CCL18: variants seen among roughly 807,000 people sequenced by gnomAD.
CCL18 encodes the protein C-C motif chemokine ligand 18.
CCL18 carries 7 observed loss-of-function variants against 8.0 expected under a neutral mutation model. The ratio of observed to expected loss-of-function variants is 0.87; its 90% confidence interval spans 0.50 to 1.64. The LOEUF (loss-of-function observed/expected upper bound fraction) is 1.64. CCL18 is among the 40% of genes most tolerant of loss of function. The probability of loss-of-function intolerance (pLI) is 0.00; values close to 1 mark genes in which losing one functional copy is unlikely to be tolerated. For missense variants in CCL18, 95 were observed against 107.8 expected, an observed-to-expected ratio of 0.88 and a Z score of 0.52; for synonymous variants, 35 against 41.3, an observed-to-expected ratio of 0.85 and a Z score of 0.59.
intron 1 of CCL18, among the ~76,000 whole-genome samples, chr17:36,067,048 C>T (rs2066841334): frequency 6.6e-6 from 1 of 152,154 alleles, no homozygotes; most frequent in African/African-American, 2.4e-5. Context: ...TAAGATGATA[C>T]CCCAGAATCT....
chr17:36,067,493 C>T (rs1391742304), intron 1 of CCL18, among the ~76,000 whole-genome samples: 2 of 152,112 alleles, frequency 1.3e-5, no homozygotes, highest in Non-Finnish European at 1.5e-5. Context: ...TCGAGACCAG[C>T]CTGGCCAACA....
intron 1 of CCL18, among the ~76,000 whole-genome samples, chr17:36,069,395 T>A (rs901376980): frequency 2.0e-5 from 3 of 152,204 alleles, no homozygotes; most frequent in Non-Finnish European, 4.4e-5. Flanking sequence ...GAAGCTCTCC[T>A]GGTTTGTGCA....
In CCL18 at chr17:36,071,082, C is replaced by G. The variant is rs2066863639; in HGVS notation, c.*41C>G. 1.4e-6 allele frequency: 2 copies of G among 1,445,624 alleles called. No individual in the cohort carries two copies. Among genetic ancestry groups the G allele is most frequent in the East Asian group, 4.5e-5 (2 of 43,960 alleles). The allele number at this position is 1,445,624 out of a possible 1,614,324, so 89.5% of individuals were successfully genotyped here. A position where few individuals can be genotyped will look rare whatever the true frequency, so the allele number is the denominator to read the frequency against. Reference sequence around the variant, plus strand: ...CGAGGGCCCAGTGAACTTGGTGGGCCCAGGAGGGAACAGGAGCCTGAGCCA... The same window carrying G: ...CGAGGGCCCAGTGAACTTGGTGGGCGCAGGAGGGAACAGGAGCCTGAGCCA... On this transcript the variant is annotated 3_prime_UTR_variant, in exon 3 of 3. Coordinates refer to ENST00000616054, the MANE Select transcript of CCL18 (RefSeq NM_002988.4).
Position 36,068,460 on chromosome 17 carries a change from C to T in CCL18, c.68-1987C>T, listed in dbSNP as rs540615737. On this transcript the variant is annotated intron_variant, in intron 1 of 2. Coordinates refer to ENST00000616054, the MANE Select transcript of CCL18 (RefSeq NM_002988.4). ...GTAGAAAAAAACTCTCACATTCCTG[C>T]CTCCGTTTGCCTGCTGCCTACCCAG... 4.6e-5 allele frequency among the ~76,000 whole-genome samples: 7 copies of T among 152,264 alleles called. No homozygotes were observed. In the South Asian group the frequency reaches 1.5e-3, roughly 32 times the overall value.
At chr17:36,066,333 G>C (rs532754069) in intron 1 of CCL18, among the ~76,000 whole-genome samples, 14 of 152,296 alleles carry the variant, frequency 9.2e-5, no homozygotes, top group African/African-American at 3.4e-4. Flanking sequence ...AGAGGAGATG[G>C]AGGGCACCAA....
intron 1 of CCL18, among the ~76,000 whole-genome samples, chr17:36,068,652 C>T (rs549209072): frequency 6.6e-6 from 1 of 152,140 alleles, no homozygotes; most frequent in South Asian, 2.1e-4. Flanking sequence ...CTATGAGACT[C>T]CCTCGTATGC....
At chr17:36,064,493 C>A (rs528490668) in intron 1 of CCL18, 84 bp downstream of exon 1, 3 of 1,035,576 alleles carry the variant, frequency 2.9e-6, no homozygotes, top group Admixed American at 4.2e-5. Flanking sequence ...TGAAAACCCT[C>A]GTGTGAAATT....
intron 1 of CCL18, among the ~76,000 whole-genome samples, chr17:36,069,384 T>C (rs1441489512): frequency 6.6e-6 from 1 of 152,210 alleles, no homozygotes; most frequent in Non-Finnish European, 1.5e-5. Flanking sequence ...TGTGGTGAGC[T>C]GAAGCTCTCC....
At chr17:36,069,973 T>A (rs1894215263) in intron 1 of CCL18, among the ~76,000 whole-genome samples, 2 of 152,164 alleles carry the variant, frequency 1.3e-5, no homozygotes, top group African/African-American at 4.8e-5. Flanking sequence ...GGATTTTTCT[T>A]CCTAAGAGGT....
chr17:36,069,197 G>C (rs1475017633), intron 1 of CCL18, among the ~76,000 whole-genome samples: 2 of 152,142 alleles, frequency 1.3e-5, no homozygotes, highest in Non-Finnish European at 2.9e-5. Flanking sequence ...CAGCTGGGGA[G>C]GCTATCAGAA....
intron 1 of CCL18, among the ~76,000 whole-genome samples, chr17:36,067,785 A>G (rs889696741): frequency 2.6e-5 from 4 of 152,242 alleles, no homozygotes; most frequent in African/African-American, 9.6e-5. Context: ...TCTTAAAAAT[A>G]CTGGAATGAT....
intron 1 of CCL18, among the ~76,000 whole-genome samples, chr17:36,065,382 A>T (rs554567888): frequency 1.3e-5 from 2 of 152,150 alleles, no homozygotes; most frequent in Non-Finnish European, 2.9e-5. Flanking sequence ...AAATGTCTTC[A>T]TTTTACCTTC....
In CCL18 at chr17:36,070,471, GCCTCGTCTATA is replaced by G. The variant is rs2066859497; in HGVS notation, c.97_107del (p.Val33LeufsTer10). The G allele has an allele frequency of 3.1e-6, 5 of 1,613,112 alleles. No homozygotes were observed. Among genetic ancestry groups the G allele is most frequent in the South Asian group, 2.2e-5 (2 of 91,068 alleles). ...GTTGGTACCAACAAAGAGCTCTGCT[GCCTCGTCTATA>G]CCTCCTGGCAGATTCCACAAAAGTT... On this transcript the variant is annotated frameshift_variant, in exon 2 of 3. Coordinates refer to ENST00000616054, the MANE Select transcript of CCL18 (RefSeq NM_002988.4). LOFTEE classifies it high-confidence loss of function.
At chr17:36,069,516 A>G (rs919187591) in intron 1 of CCL18, among the ~76,000 whole-genome samples, 3 of 152,232 alleles carry the variant, frequency 2.0e-5, no homozygotes, top group Non-Finnish European at 1.5e-5. Context: ...TAATCTGTAT[A>G]ACAAACTCCC....
chr17:36,070,539 T>G lies in CCL18; in HGVS notation c.160T>G (p.Cys54Gly). Residue 54 changes from cysteine (C) to glycine (G), a missense_variant, in exon 2 of 3, where the codon TGC becomes GGC. Cys to Gly is a radical substitution (Grantham distance 159). Coordinates refer to ENST00000616054, the MANE Select transcript of CCL18 (RefSeq NM_002988.4). Reference protein sequence around the residue: ...IVDYSETSPQCPKPGVILLTK... With the variant: ...IVDYSETSPQGPKPGVILLTK... ...TGACTATTCTGAAACCAGCCCCCAGTGCCCCAAGCCAGGTGTCATGTAAGT... is the reference window on the plus strand; with the variant it reads ...TGACTATTCTGAAACCAGCCCCCAGGGCCCCAAGCCAGGTGTCATGTAAGT... 2 of 1,611,942 alleles carry G rather than the reference T, an allele frequency of 1.2e-6. No homozygotes were observed. The highest frequency in any genetic ancestry group is 1.7e-6 in the Non-Finnish European group (2 of 1,177,980).
rs1346793276 is a variant in CCL18, at chr17:36,068,819, TAAAC to T, written c.68-1623_68-1620del. Among the ~76,000 whole-genome samples the T allele has an allele frequency of 5.9e-5, 9 of 152,292 alleles. No individual in the cohort carries two copies. In the East Asian group the frequency reaches 7.7e-4, roughly 13 times the overall value. On this transcript the variant is annotated intron_variant, in intron 1 of 2. Coordinates refer to ENST00000616054, the MANE Select transcript of CCL18 (RefSeq NM_002988.4). ...GTTCTTGATGACACAACTGAGCTGTTAAACAAACTCAGGGAGGACCACCTGTTTA... is the reference window on the plus strand; with the variant it reads ...GTTCTTGATGACACAACTGAGCTGTTAAACTCAGGGAGGACCACCTGTTTA...
chr17:36,071,235 G>A lies in CCL18; in HGVS notation c.*194G>A, dbSNP rs1470501568. ...CATTTTGAAATTGATTTCTATTGTTGAGCTGCATTATGAAATTAGTATTTT... is the reference window on the plus strand; with the variant it reads ...CATTTTGAAATTGATTTCTATTGTTAAGCTGCATTATGAAATTAGTATTTT... On this transcript the variant is annotated 3_prime_UTR_variant, in exon 3 of 3. Coordinates refer to ENST00000616054, the MANE Select transcript of CCL18 (RefSeq NM_002988.4). 1 of 558,058 alleles carries A rather than the reference G, an allele frequency of 1.8e-6. No individual in the cohort carries two copies. Among genetic ancestry groups the A allele is most frequent in the East Asian group, 3.0e-5 (1 of 33,588 alleles). The allele number at this position is 558,058 out of a possible 1,614,324, so 34.6% of individuals were successfully genotyped here.
In CCL18 at chr17:36,070,513, T is replaced by C. The variant is rs753211629; in HGVS notation, c.134T>C (p.Val45Ala). The change falls in exon 2 of 3, where the codon GTT becomes GCT. Residue 45 changes from valine (V) to alanine (A), a missense_variant. Transcript: ENST00000616054. Reference sequence around the variant, plus strand: ...TGGCAGATTCCACAAAAGTTCATAGTTGACTATTCTGAAACCAGCCCCCAG... The same window carrying C: ...TGGCAGATTCCACAAAAGTTCATAGCTGACTATTCTGAAACCAGCCCCCAG... ...TSWQIPQKFI[V>A]DYSETSPQCP... 3.1e-6 allele frequency: 5 copies of C among 1,614,106 alleles called. No individual in the cohort carries two copies. Among genetic ancestry groups the C allele is most frequent in the South Asian group, 2.2e-5 (2 of 91,082 alleles).
chr17:36,064,279 G>A lies in CCL18; in HGVS notation c.-64G>A. ...GACAACAGCTCATACCCCAGAAGGA[G>A]GCCAGGAGTTGTGAGTTTCCAAGCC... is the stretch of plus-strand genomic sequence containing the variant. On this transcript the variant is annotated 5_prime_UTR_variant, in exon 1 of 3. Coordinates refer to ENST00000616054, the MANE Select transcript of CCL18 (RefSeq NM_002988.4). 3.3e-6 allele frequency: 4 copies of A among 1,227,638 alleles called. No homozygotes were observed. The highest frequency in any genetic ancestry group is 1.9e-4 in the Middle Eastern group (1 of 5,336). 76.0% of individuals were successfully genotyped at this position (1,227,638 alleles called of 1,614,324 possible). A position where few individuals can be genotyped will look rare whatever the true frequency, so the allele number is the denominator to read the frequency against.
Sources: allele counts gnomAD v4.1 joint callset (sites outside exome capture counted in the v4.1 genomes callset), GRCh38; gene constraint gnomAD v4.1.1; transcripts MANE v1.5; gene names NCBI Gene and HGNC (gene_info 2026-07-23, HGNC 2026-07-21).